The following PAQR3 variants were observed in gnomAD, a reference collection of about 807,000 sequenced individuals.
PAQR3 encodes the protein progestin and adipoQ receptor family member 3, also known as Raf kinase trapping to Golgi.
A neutral mutation model predicts 41.7 loss-of-function variants in PAQR3; 39 were observed. The ratio of observed to expected loss-of-function variants is 0.93; its 90% CI spans 0.72 to 1.22. PAQR3 has a LOEUF of 1.22. Among genes scored for constraint, PAQR3 ranks in the 50% most tolerant of loss-of-function variants. The pLI is 0.00. For missense variants in PAQR3, 366 were observed against 385.6 expected, an observed-to-expected ratio of 0.95 and a Z score of 0.42; for synonymous variants, 140 against 140.6, an observed-to-expected ratio of 1.00 and a Z score of 0.03.
chr4:78,929,362 G>A (rs1017709887), intron 3 of PAQR3, among the ~76,000 whole-genome samples: 2 of 152,202 alleles, frequency 1.3e-5, no homozygotes, highest in African/African-American at 4.8e-5. Context: ...GGGTCGAAGG[G>A]GACTTTCTGA....
intron 1 of PAQR3, among the ~76,000 whole-genome samples, chr4:78,936,369 T>C (rs910639751): frequency 5.3e-5 from 8 of 152,378 alleles, no homozygotes; most frequent in Admixed American, 3.9e-4. Context: ...TCTAAATTTG[T>C]AGCAGTCACT....
In PAQR3 at chr4:78,917,061, T is replaced by C. The variant is rs542982288; in HGVS notation, c.*3478A>G. 1.7e-4 allele frequency: 26 copies of C among 152,124 alleles called. 1 individual carries two copies. The highest frequency in any genetic ancestry group is 6.0e-4 in the African/African-American group (25 of 41,566). The allele number at this position is 152,124 out of a possible 1,614,324, so 9.4% of individuals were successfully genotyped here. ...ATAACACAAATGATTAGAAAAGTTCTATTAACAAAGAATAGTTTGCAGTGT... is the reference window on the plus strand; with the variant it reads ...ATAACACAAATGATTAGAAAAGTTCCATTAACAAAGAATAGTTTGCAGTGT... On this transcript the variant is annotated 3_prime_UTR_variant, in exon 6 of 6. Coordinates refer to ENST00000512733, the MANE Select transcript of PAQR3 (RefSeq NM_001040202.2).
intron 1 of PAQR3, among the ~76,000 whole-genome samples, chr4:78,936,270 G>C (rs1737421702): frequency 6.6e-6 from 1 of 152,150 alleles, no homozygotes; most frequent in East Asian, 1.9e-4. Context: ...TCTTGCATTT[G>C]TCTGCAAAAT....
intron 2 of PAQR3, among the ~76,000 whole-genome samples, chr4:78,932,047 A>G (rs1386633430): frequency 1.3e-5 from 2 of 152,220 alleles, no homozygotes; most frequent in Admixed American, 1.3e-4. Context: ...AGTATAAAGT[A>G]GTTACAAATG....
In PAQR3 at chr4:78,918,950, A is replaced by C; in HGVS notation, c.*1589T>G. The C allele has an allele frequency of 2.0e-6, 2 of 985,092 alleles. No homozygotes were observed. Among genetic ancestry groups the C allele is most frequent in the East Asian group, 2.3e-4 (2 of 8,808 alleles). 61.0% of individuals were successfully genotyped at this position (985,092 alleles called of 1,614,324 possible). On this transcript the variant is annotated 3_prime_UTR_variant, in exon 6 of 6. Transcript: ENST00000512733. ...ATCAAAATTTTAACCTTATAAGGTA[A>C]AACAGCCATTTTCAAAGCAGCCTTC...
rs1736074886 is a variant in PAQR3, at chr4:78,925,261, G to A, written c.702+1260C>T. On this transcript the variant is annotated intron_variant, in intron 4 of 5. Transcript: ENST00000512733. ...CTTTTTGTCATTATAAGCTCAAAAGGAATGTGTTTATCAAATCTAGAAATT... is the reference window on the plus strand; with the variant it reads ...CTTTTTGTCATTATAAGCTCAAAAGAAATGTGTTTATCAAATCTAGAAATT... Among the ~76,000 whole-genome samples, 4 of 152,222 alleles carry A rather than the reference G, an allele frequency of 2.6e-5. No individual in the cohort carries two copies. The South Asian group carries it at 8.3e-4, about 32-fold the overall frequency.
At chr4:78,924,305 G>T (rs1231142579) in intron 4 of PAQR3, among the ~76,000 whole-genome samples, 1 of 152,068 alleles carries the variant, frequency 6.6e-6, no homozygotes, top group Non-Finnish European at 1.5e-5. Flanking sequence ...AGACCTAAGG[G>T]GTCTCCCCAG....
intron 2 of PAQR3, 62 bp from the exon 3 acceptor site, chr4:78,930,387 T>C (rs1736732269): frequency 4.6e-6 from 7 of 1,510,136 alleles, no homozygotes; most frequent in East Asian, 4.5e-5. Context: ...TTATGCATGA[T>C]ATTCAGGGAA....
At chr4:78,931,950 G>C (rs1237052170) in intron 2 of PAQR3, among the ~76,000 whole-genome samples, 2 of 152,184 alleles carry the variant, frequency 1.3e-5, no homozygotes, top group African/African-American at 4.8e-5. Context: ...TGGACTAGAA[G>C]GGCTGAAACA....
intron 1 of PAQR3, 115 bp from the exon 2 acceptor site, chr4:78,935,398 C>T: frequency 1.5e-6 from 1 of 675,396 alleles, no homozygotes; most frequent in East Asian, 3.0e-5. Context: ...AAGCTCTTAC[C>T]CCACCTGTAC....
chr4:78,891,306 T>C (rs1390509589), intron 11 of PAQR3, among the ~76,000 whole-genome samples: 2 of 152,186 alleles, frequency 1.3e-5, no homozygotes, highest in Non-Finnish European at 2.9e-5. Flanking sequence ...CTCTTCCTCC[T>C]TACCCCACCA....
chr4:78,914,937 C>G lies in PAQR3; in HGVS notation c.*5602G>C, dbSNP rs553271063. On this transcript the variant is annotated 3_prime_UTR_variant, in exon 6 of 6. Coordinates refer to ENST00000512733, the MANE Select transcript of PAQR3 (RefSeq NM_001040202.2). ...TTTGAATAATCCTTTAAAAAGTGGA[C>G]CATTTGCTTATTTTAATATCACGTC... 1.3e-5 allele frequency: 2 copies of G among 151,750 alleles called. No individual in the cohort carries two copies. Among genetic ancestry groups the G allele is most frequent in the Admixed American group, 6.6e-5 (1 of 15,220 alleles). 9.4% of individuals were successfully genotyped at this position (151,750 alleles called of 1,614,324 possible).
chr4:78,890,787 C>T (rs1733392129), intron 11 of PAQR3, among the ~76,000 whole-genome samples: 1 of 152,114 alleles, frequency 6.6e-6, no homozygotes, highest in African/African-American at 2.4e-5. Context: ...AGTATTTTTC[C>T]CACCAATCTT....
Position 78,930,222 on chromosome 4 carries a change from C to T in PAQR3, c.452G>A (p.Gly151Glu). ...TCCTGAGACATAGCAGCCCAGTATT[C>T]CAATAGAAATTCCTGCATAATCTAA... ...MALDYAGISI[G>E]ILGCYVSGVF... is the part of the protein sequence containing the mutation. The change falls in exon 3 of 6, where the codon GGA becomes GAA. Residue 151 changes from glycine (G) to glutamate (E), a missense_variant. Gly to Glu is a moderately conservative substitution (Grantham distance 98, BLOSUM62 -2). Coordinates refer to ENST00000512733, the MANE Select transcript of PAQR3 (RefSeq NM_001040202.2). 5.6e-6 allele frequency: 9 copies of T among 1,613,524 alleles called. No individual in the cohort carries two copies. Among genetic ancestry groups the T allele is most frequent in the Non-Finnish European group, 6.8e-6 (8 of 1,179,764 alleles).
At chr4:78,928,041 T>C (rs1481830213) in intron 3 of PAQR3, among the ~76,000 whole-genome samples, 1 of 152,238 alleles carries the variant, frequency 6.6e-6, no homozygotes, top group African/African-American at 2.4e-5. Flanking sequence ...TCAACGATCA[T>C]GGACTGACTC....
At chr4:78,934,766 A>C (rs1737249947) in intron 2 of PAQR3, among the ~76,000 whole-genome samples, 1 of 152,236 alleles carries the variant, frequency 6.6e-6, no homozygotes, top group Non-Finnish European at 1.5e-5. Context: ...AAACAGGAGG[A>C]AAGAGATGAG....
At chr4:78,930,146 TG>T in intron 3 of PAQR3, 23 bp downstream of exon 3, 1 of 1,581,716 alleles carries the variant, frequency 6.3e-7, no homozygotes, top group Non-Finnish European at 8.6e-7. Flanking sequence ...AAAGGTCGAA[TG>T]TAAAATGTTT....
intron 1 of PAQR3, among the ~76,000 whole-genome samples, chr4:78,938,651 A>T (rs1292690498): frequency 6.6e-6 from 1 of 152,072 alleles, no homozygotes; most frequent in Non-Finnish European, 1.5e-5. Flanking sequence ...ACAGGCACTT[A>T]TCTGGCCCAA....
At chr4:78,935,838 T>C (rs1433013428) in intron 1 of PAQR3, among the ~76,000 whole-genome samples, 16 of 152,236 alleles carry the variant, frequency 1.1e-4, no homozygotes, top group Non-Finnish European at 5.9e-5. Flanking sequence ...AAATATATAT[T>C]GATCCATTGG....
Sources: allele counts gnomAD v4.1 joint callset (sites outside exome capture counted in the v4.1 genomes callset), GRCh38; gene constraint gnomAD v4.1.1; transcripts MANE v1.5; gene names NCBI Gene and HGNC (gene_info 2026-07-23, HGNC 2026-07-21).